OCA2: variants seen among roughly 807,000 people sequenced by gnomAD.
The protein encoded by OCA2 is P protein.
Under a neutral mutation model 100.2 loss-of-function variants are expected in OCA2, and 77 were observed. The ratio of observed to expected loss-of-function variants is 0.77; its 90% CI spans 0.64 to 0.93. The LOEUF is 0.93. Ranked by LOEUF, OCA2 falls within the 40% of genes least tolerant of loss-of-function variation. The probability of loss-of-function intolerance (pLI) is 0.00; values close to 1 mark genes in which losing one functional copy is unlikely to be tolerated. For synonymous variants in OCA2, 432 were observed against 439.2 expected (o/e 0.98, Z 0.21); for missense variants, 1,062 against 1,089.1 (o/e 0.98, Z 0.35).
At chr15:28,046,875 C>T (rs1303044333) in intron 2 of OCA2, among the ~76,000 whole-genome samples, 1 of 152,210 alleles carries the variant, frequency 6.6e-6, no homozygotes, top group Non-Finnish European at 1.5e-5. Flanking sequence ...TTCAAATCGA[C>T]ATGCCTAAAA....
intron 18 of OCA2, among the ~76,000 whole-genome samples, chr15:27,927,158 A>G (rs1024416212): frequency 6.6e-6 from 1 of 152,116 alleles, no homozygotes; most frequent in Non-Finnish European, 1.5e-5. Context: ...ATGTGGTAGC[A>G]CATGCCTGTA....
In OCA2 at chr15:28,020,507, G is replaced by C. The variant is rs576790835; in HGVS notation, c.647-1950C>G. Among the ~76,000 whole-genome samples the C allele has an allele frequency of 2.1e-3, 317 of 152,198 alleles. 1 individual carries two copies. Among genetic ancestry groups the C allele is most frequent in the Non-Finnish European group, 3.3e-3 (224 of 68,018 alleles). On this transcript the variant is annotated intron_variant, in intron 6 of 23. Transcript: ENST00000354638. ...TTGCTCTATCTCCCCTTCCCCCTGC[G>C]GGAAAGTCCTGCCCAGGAGGGTGGC...
At chr15:27,792,104 G>A (rs1227461349) in intron 23 of OCA2, among the ~76,000 whole-genome samples, 1 of 152,198 alleles carries the variant, frequency 6.6e-6, no homozygotes, top group Non-Finnish European at 1.5e-5. Flanking sequence ...TGAGGGTTCT[G>A]TATGGAGTCA....
intron 23 of OCA2, among the ~76,000 whole-genome samples, chr15:27,793,017 TCCCGGGCTGTTTAC>T (rs1303407862): frequency 1.3e-5 from 2 of 152,140 alleles, no homozygotes; most frequent in African/African-American, 4.8e-5. Context: ...GTCCAACAGC[TCCCGGGCTGTTTAC>T]AAAACTGGAA....
At chr15:27,994,888 G>A (rs8041084) in intron 9 of OCA2, among the ~76,000 whole-genome samples, 91,591 of 151,998 alleles carry the variant, frequency 0.6, 31,793 homozygotes, top group Non-Finnish European at 0.79. Flanking sequence ...GTGGGATACC[G>A]AGCAGATGGA....
chr15:28,040,889 G>T (rs1376963709), intron 2 of OCA2, among the ~76,000 whole-genome samples: 1 of 152,096 alleles, frequency 6.6e-6, no homozygotes, highest in East Asian at 1.9e-4. Context: ...AGCCTTACTG[G>T]TGCATTCTAC....
chr15:28,091,747 G>C (rs568986998), intron 1 of OCA2, among the ~76,000 whole-genome samples: 116 of 152,318 alleles, frequency 7.6e-4, no homozygotes, highest in Non-Finnish European at 9.7e-4. Context: ...CTTGAGGTCA[G>C]GAGTTTGAGA....
At chr15:27,893,447 G>C (rs1372418918) in intron 19 of OCA2, among the ~76,000 whole-genome samples, 1 of 152,140 alleles carries the variant, frequency 6.6e-6, no homozygotes, top group African/African-American at 2.4e-5. Context: ...GACTGCCTGT[G>C]GGGTCAGGCA....
rs779836224 is a variant in OCA2, at chr15:27,871,253, G to C, written c.2145C>G (p.Val715=). The change falls in exon 21 of 24, where the codon GTC becomes GTG. Residue 715 remains valine, a synonymous_variant. Coordinates refer to ENST00000354638, the MANE Select transcript of OCA2 (RefSeq NM_000275.3). ...CGGCTATGAGGCGCTGCTCCTCTGG[G>C]ACCATCTGGAAGGAGGACAATAGCA... is the stretch of plus-strand genomic sequence containing the variant. ...GEQTALLIKM[V]PEEQRLIAAI... The C allele has an allele frequency of 1.2e-5, 20 of 1,613,364 alleles. No homozygotes were observed. Among genetic ancestry groups the C allele is most frequent in the Non-Finnish European group, 1.5e-5 (18 of 1,179,462 alleles).
rs1487605749 is a variant in OCA2, at chr15:28,069,930, C to A, written c.227+11718G>T. 1.6e-5 allele frequency among the ~76,000 whole-genome samples: 2 copies of A among 123,404 alleles called. 1 individual carries two copies. Among genetic ancestry groups the A allele is most frequent in the Non-Finnish European group, 3.0e-5 (2 of 66,356 alleles). The allele number at this position is 123,404 out of a possible 152,430, so 81.0% of individuals were successfully genotyped here. On this transcript the variant is annotated intron_variant, in intron 2 of 23. Coordinates refer to ENST00000354638, the MANE Select transcript of OCA2 (RefSeq NM_000275.3). ...CTGGAAAGTAAGGAGCATCTCCGCC[C>A]GGCCGCCATCCCATCTAGGAAGTGA...
At chr15:28,083,724 G>C (rs991265977) in intron 1 of OCA2, among the ~76,000 whole-genome samples, 2 of 152,080 alleles carry the variant, frequency 1.3e-5, no homozygotes. Flanking sequence ...CAATTTAAAA[G>C]CACCATGACA....
chr15:27,922,538 A>T (rs1315371745), intron 19 of OCA2, among the ~76,000 whole-genome samples: 1 of 152,214 alleles, frequency 6.6e-6, no homozygotes, highest in Non-Finnish European at 1.5e-5. Context: ...GGTACCATGT[A>T]CTGTCTGTGT....
intron 21 of OCA2, among the ~76,000 whole-genome samples, chr15:27,860,257 T>A (rs1024451223): frequency 6.6e-6 from 1 of 152,168 alleles, no homozygotes; most frequent in Non-Finnish European, 1.5e-5. Flanking sequence ...TCTGTGTGAA[T>A]AGAATCTCAG....
At chr15:27,926,413 A>G (rs1316886295) in intron 18 of OCA2, among the ~76,000 whole-genome samples, 159 bp from the exon 19 acceptor site, 1 of 152,072 alleles carries the variant, frequency 6.6e-6, no homozygotes, top group Non-Finnish European at 1.5e-5. Flanking sequence ...TTATGTGTAT[A>G]CTCATGAAAC....
At chr15:27,964,932 T>G (rs1409893941) in intron 15 of OCA2, among the ~76,000 whole-genome samples, 2 of 152,222 alleles carry the variant, frequency 1.3e-5, no homozygotes, top group African/African-American at 4.8e-5. Context: ...CTCTGTTCCT[T>G]ACTCAGGAAC....
At chr15:28,095,698 C>G (rs76033514) in intron 1 of OCA2, among the ~76,000 whole-genome samples, 3,163 of 140,612 alleles carry the variant, frequency 0.022, 109 homozygotes, top group African/African-American at 0.08. Context: ...GCCTGGACAA[C>G]AAGAACGAAA....
intron 23 of OCA2, among the ~76,000 whole-genome samples, chr15:27,817,125 C>G (rs1011669742): frequency 6.6e-6 from 1 of 152,198 alleles, no homozygotes; most frequent in African/African-American, 2.4e-5. Context: ...CTGGAACCCA[C>G]GCTATCCTGT....
At chr15:28,019,373 T>C (rs1489263867) in intron 6 of OCA2, among the ~76,000 whole-genome samples, 3 of 152,018 alleles carry the variant, frequency 2.0e-5, no homozygotes, top group East Asian at 3.9e-4. Flanking sequence ...ACTGACCTGG[T>C]TGTAGAGGTT....
intron 23 of OCA2, among the ~76,000 whole-genome samples, chr15:27,812,276 T>C (rs1165236492): frequency 1.3e-5 from 2 of 152,212 alleles, no homozygotes; most frequent in Non-Finnish European, 2.9e-5. Flanking sequence ...CCTCTAAGTA[T>C]TTGATTCTAA....
Sources: allele counts gnomAD v4.1 joint callset (sites outside exome capture counted in the v4.1 genomes callset), GRCh38; gene constraint gnomAD v4.1.1; transcripts MANE v1.5; gene names NCBI Gene and HGNC (gene_info 2026-07-23, HGNC 2026-07-21).